The following TRIM24 variants were observed in gnomAD, a reference collection of about 807,000 sequenced individuals.
The protein encoded by TRIM24 is tripartite motif containing 24, also known as transcription intermediary factor 1-alpha.
In TRIM24, 29 loss-of-function variants were observed where a neutral mutation model predicts 123.9. The observed-to-expected ratio is 0.23, with a 90% confidence interval of 0.17 to 0.32. The LOEUF is 0.32. Ranked by LOEUF, TRIM24 falls within the 10% of genes least tolerant of loss-of-function variation. The probability of loss-of-function intolerance (pLI) is 1.00; values close to 1 mark genes in which losing one functional copy is unlikely to be tolerated. For missense variants in TRIM24, 932 were observed against 1,295.3 expected, an observed-to-expected ratio of 0.72 and a Z score of 4.31; for synonymous variants, 456 against 461.1, an observed-to-expected ratio of 0.99 and a Z score of 0.14.
chr7:138,552,358 A>G (rs1797228636), intron 8 of TRIM24, among the ~76,000 whole-genome samples: 1 of 152,216 alleles, frequency 6.6e-6, no homozygotes, highest in Non-Finnish European at 1.5e-5. Flanking sequence ...TTTTGGTAAC[A>G]TTAGGAAGAA....
At chr7:138,539,188 T>C (rs541659779) in intron 7 of TRIM24, among the ~76,000 whole-genome samples, 15 of 152,230 alleles carry the variant, frequency 9.9e-5, no homozygotes, top group Non-Finnish European at 7.4e-5. Context: ...CTTGTACACA[T>C]GATGAAACTA....
chr7:138,503,394 A>G (rs1014103499), intron 1 of TRIM24, among the ~76,000 whole-genome samples: 2 of 152,004 alleles, frequency 1.3e-5, no homozygotes, highest in African/African-American at 4.8e-5. Context: ...TTCCTGCACA[A>G]TGACCTTCAC....
intron 18 of TRIM24, 56 bp downstream of exon 18, chr7:138,584,055 A>G: frequency 6.5e-7 from 1 of 1,543,790 alleles, no homozygotes; most frequent in Non-Finnish European, 8.7e-7. Context: ...AAATCATTTT[A>G]TTACTAAACA....
At chr7:138,569,844 T>G (rs75573886) in intron 10 of TRIM24, among the ~76,000 whole-genome samples, 2,772 of 152,256 alleles carry the variant, frequency 0.018, 70 homozygotes, top group African/African-American at 0.061. Context: ...AGCATGAAAA[T>G]TTTCAAACAT....
chr7:138,563,632 C>T (rs1026476379), intron 9 of TRIM24, among the ~76,000 whole-genome samples: 2 of 152,176 alleles, frequency 1.3e-5, no homozygotes, highest in African/African-American at 4.8e-5. Flanking sequence ...GCATCTTCCA[C>T]CTGATGTCAC....
intron 1 of TRIM24, among the ~76,000 whole-genome samples, chr7:138,464,636 G>A (rs1246379901): frequency 6.6e-6 from 1 of 152,092 alleles, no homozygotes; most frequent in African/African-American, 2.4e-5. Flanking sequence ...AATTAAAAAT[G>A]TGTGAATATT....
intron 1 of TRIM24, among the ~76,000 whole-genome samples, chr7:138,483,109 G>GC (rs1350339656): frequency 6.6e-6 from 1 of 151,820 alleles, no homozygotes; most frequent in African/African-American, 2.4e-5. Flanking sequence ...TGTAGCGGGG[G>GC]GGGTCTCACT....
chr7:138,460,980 G>C (rs888377402), intron 1 of TRIM24, 68 bp downstream of exon 1: 3 of 1,322,620 alleles, frequency 2.3e-6, no homozygotes, highest in Admixed American at 4.1e-5. Flanking sequence ...GCCCTTGTGC[G>C]GCGCGACCCG....
At chr7:138,511,125 G>T (rs559703817) in intron 2 of TRIM24, among the ~76,000 whole-genome samples, 1 of 152,044 alleles carries the variant, frequency 6.6e-6, no homozygotes, top group Non-Finnish European at 1.5e-5. Flanking sequence ...AGGTTTAATT[G>T]GCTCACGGTT....
intron 9 of TRIM24, among the ~76,000 whole-genome samples, chr7:138,562,565 G>A (rs1034526082): frequency 3.9e-5 from 6 of 152,088 alleles, no homozygotes; most frequent in African/African-American, 7.2e-5. Context: ...TAGTAGAGTC[G>A]CTCACTCTAA....
chr7:138,555,598 T>C (rs1271456906), intron 9 of TRIM24, among the ~76,000 whole-genome samples: 1 of 151,016 alleles, frequency 6.6e-6, no homozygotes, highest in Non-Finnish European at 1.5e-5. Flanking sequence ...TTCTCCCACC[T>C]CAGCCTCCCA....
In TRIM24 at chr7:138,574,688, C is replaced by G. The variant is rs145745536; in HGVS notation, c.2014+1046C>G. 4.9e-4 allele frequency among the ~76,000 whole-genome samples: 74 copies of G among 152,204 alleles called. 1 individual carries two copies. Among genetic ancestry groups the G allele is most frequent in the African/African-American group, 1.7e-3 (72 of 41,524 alleles). On this transcript the variant is annotated intron_variant, in intron 12 of 18. Coordinates refer to ENST00000343526, the MANE Select transcript of TRIM24 (RefSeq NM_015905.3). ...CATTGAGAATGTGATGAGAGGTACT[C>G]TCATACATAGGTGGAAGGGGTATGA...
intron 4 of TRIM24, among the ~76,000 whole-genome samples, chr7:138,522,141 A>T (rs752516160): frequency 1.3e-5 from 2 of 152,038 alleles, no homozygotes; most frequent in African/African-American, 2.4e-5. Context: ...TAAATAAATA[A>T]ATAACAAAAC....
intron 2 of TRIM24, among the ~76,000 whole-genome samples, chr7:138,507,464 G>T (rs915944162): frequency 6.6e-6 from 1 of 151,296 alleles, no homozygotes; most frequent in Non-Finnish European, 1.5e-5. Flanking sequence ...AAGTAGCTGG[G>T]ATTACAGGTG....
At chr7:138,567,692 C>T (rs780604026) in intron 10 of TRIM24, 38 bp downstream of exon 10, 5 of 1,505,786 alleles carry the variant, frequency 3.3e-6, no homozygotes, top group South Asian at 1.4e-5. Flanking sequence ...GCTTTTTCTG[C>T]TGCTTTCTAC....
At chr7:138,472,563 A>C (rs1466057073) in intron 1 of TRIM24, among the ~76,000 whole-genome samples, 1 of 152,244 alleles carries the variant, frequency 6.6e-6, no homozygotes, top group East Asian at 1.9e-4. Flanking sequence ...TTGAGAAGGG[A>C]GTTTTGAAGT....
At chr7:138,466,526 G>A (rs140523274) in intron 1 of TRIM24, among the ~76,000 whole-genome samples, 1,982 of 123,270 alleles carry the variant, frequency 0.016, 19 homozygotes, top group Middle Eastern at 0.057. Context: ...GTGCAGTGGC[G>A]CCATCTCAGC....
chr7:138,563,666 G>C (rs767265682), intron 9 of TRIM24, among the ~76,000 whole-genome samples: 1 of 152,158 alleles, frequency 6.6e-6, no homozygotes, highest in Non-Finnish European at 1.5e-5. Context: ...TGCAAATGCC[G>C]TGTTCACTGT....
intron 7 of TRIM24, 134 bp downstream of exon 7, chr7:138,538,937 G>C (rs999159297): frequency 2.5e-6 from 2 of 807,652 alleles, no homozygotes; most frequent in Middle Eastern, 3.3e-4. Flanking sequence ...AAAATATTTT[G>C]GTTTTAATAT....
Sources: gnomAD v4.1 joint callset for allele counts (sites outside exome capture counted in the v4.1 genomes callset) on GRCh38, gnomAD v4.1.1 for gene constraint, MANE v1.5 for transcripts, NCBI Gene and HGNC (gene_info 2026-07-23, HGNC 2026-07-21) for gene names.